Variants in ATP2B1 observed in about 807,000 individuals in gnomAD.
ATP2B1 encodes the protein plasma membrane calcium-transporting ATPase 1.
A neutral mutation model predicts 124.2 loss-of-function variants in ATP2B1; 14 were observed. The ratio of observed to expected loss-of-function variants is 0.11; its 90% confidence interval spans 0.07 to 0.18. The LOEUF is 0.18. Among genes scored for constraint, ATP2B1 ranks in the 10% least tolerant of loss-of-function variants. ATP2B1 has a pLI of 1.00. For synonymous variants in ATP2B1, 449 were observed against 492.4 expected (o/e 0.91, Z 1.17); for missense variants, 763 against 1,466.1 (o/e 0.52, Z 7.83).
chr12:89,643,065 T>TATAC (rs1555201598), intron 2 of ATP2B1, among the ~76,000 whole-genome samples: 15 of 143,640 alleles, frequency 1.0e-4, no homozygotes, highest in African/African-American at 3.6e-4. Context: ...TAAAGATACA[T>TATAC]ACACACACAC....
Position 89,630,602 on chromosome 12 carries a change from A to G in ATP2B1, c.831T>C (p.Ala277=). ...TTCCAGTTTGAGAATTTACACCTAC[A>G]GCTGTAACTACCATTCTTCCAGAGC... is the stretch of plus-strand genomic sequence containing the variant. ...MEGSGRMVVT[A]VGVNSQTGII... Residue 277 remains alanine (A), a synonymous_variant, in exon 6 of 21, where the codon GCT becomes GCC. Transcript: ENST00000428670. The G allele has an allele frequency of 1.9e-6, 3 of 1,600,538 alleles. No individual in the cohort carries two copies. The highest frequency in any genetic ancestry group is 1.7e-6 in the Non-Finnish European group (2 of 1,172,950).
chr12:89,690,040 T>C (rs1237065301), intron 1 of ATP2B1, among the ~76,000 whole-genome samples: 4 of 152,076 alleles, frequency 2.6e-5, no homozygotes, highest in African/African-American at 9.7e-5. Flanking sequence ...TTATGAACTT[T>C]CTGTATGCTA....
At chr12:89,680,985 C>T (rs537639413) in intron 1 of ATP2B1, among the ~76,000 whole-genome samples, 45 of 152,192 alleles carry the variant, frequency 3.0e-4, no homozygotes, top group African/African-American at 9.1e-4. Context: ...GAAACAGTTT[C>T]GAATGTACAA....
chr12:89,624,759 T>A (rs966288116), intron 8 of ATP2B1, among the ~76,000 whole-genome samples: 5 of 152,308 alleles, frequency 3.3e-5, no homozygotes, highest in South Asian at 2.1e-4. Flanking sequence ...CCCTGATGCT[T>A]AAAGAGAAAC....
At chr12:89,633,546 T>G (rs565161816) in intron 5 of ATP2B1, among the ~76,000 whole-genome samples, 126 of 152,056 alleles carry the variant, frequency 8.3e-4, no homozygotes, top group African/African-American at 3.0e-3. Flanking sequence ...CTATTTATAA[T>G]GGTGTTTATA....
At chr12:89,709,328 C>G (rs1222306226), upstream of ATP2B1, 1 of 152,418 alleles carries the variant, frequency 6.6e-6, no homozygotes, top group South Asian at 1.9e-4. Context: ...AAGCTCGCGC[C>G]GCCGCCGCTG....
At chr12:89,628,660 C>A (rs1881332077) in intron 6 of ATP2B1, among the ~76,000 whole-genome samples, 1 of 152,020 alleles carries the variant, frequency 6.6e-6, no homozygotes, top group South Asian at 2.1e-4. Context: ...GGAGTAGGCA[C>A]TACAATATTA....
chr12:89,622,415 T>A (rs1485823261), intron 9 of ATP2B1, among the ~76,000 whole-genome samples: 1 of 152,044 alleles, frequency 6.6e-6, no homozygotes, highest in East Asian at 1.9e-4. Context: ...TCAAACTGCA[T>A]CTCACTTCTT....
intron 1 of ATP2B1, among the ~76,000 whole-genome samples, chr12:89,701,315 C>T (rs1891828309): frequency 6.6e-6 from 1 of 152,248 alleles, no homozygotes; most frequent in African/African-American, 2.4e-5. Context: ...CTGAAGTCCT[C>T]CGGGTTGTAC....
chr12:89,609,886 A>C (rs762560039), intron 15 of ATP2B1, 51 bp downstream of exon 15: 8 of 1,537,738 alleles, frequency 5.2e-6, no homozygotes, highest in African/African-American at 1.4e-5. Context: ...AAACAAACAA[A>C]CAAACCAGTC....
intron 1 of ATP2B1, among the ~76,000 whole-genome samples, chr12:89,698,059 C>T (rs146828988): frequency 0.035 from 5,369 of 152,136 alleles, 304 homozygotes; most frequent in African/African-American, 0.12. Context: ...TTAGTAAAGA[C>T]GGGGTTTCAC....
chr12:89,689,588 C>T (rs1484847651), intron 1 of ATP2B1, among the ~76,000 whole-genome samples: 1 of 152,134 alleles, frequency 6.6e-6, no homozygotes, highest in Non-Finnish European at 1.5e-5. Context: ...TTTAAAAACA[C>T]TAAATTCCCA....
intron 1 of ATP2B1, among the ~76,000 whole-genome samples, chr12:89,695,067 A>AAAAAAAG (rs776192730): frequency 0.037 from 5,395 of 146,128 alleles, 293 homozygotes; most frequent in East Asian, 0.12. Context: ...TCAAAAAAAA[A>AAAAAAAG]AAAAGAAAAG....
Position 89,611,370 on chromosome 12 carries a change from C to A in ATP2B1, c.2070G>T (p.Val690=). 1 of 1,505,014 alleles carries A rather than the reference C, an allele frequency of 6.6e-7. No individual in the cohort carries two copies. The highest frequency in any genetic ancestry group is 8.9e-7 in the Non-Finnish European group (1 of 1,128,770). The allele number at this position is 1,505,014 out of a possible 1,614,324, so 93.2% of individuals were successfully genotyped here. A position where few individuals can be genotyped will look rare whatever the true frequency, so the allele number is the denominator to read the frequency against. ...VGIEDPVRPE[V]PDAIKKCQRA... is the part of the protein sequence containing the mutation. Reference sequence around the variant, plus strand: ...TCTGACACTTTTTAATTGCATCTGGCACCTGGTTTACATTAAAAAAAAAAA... The same window carrying A: ...TCTGACACTTTTTAATTGCATCTGGAACCTGGTTTACATTAAAAAAAAAAA... The change falls in exon 13 of 21, where the codon GTG becomes GTT. Residue 690 remains valine (V), a splice_region_variant and synonymous_variant. Transcript: ENST00000428670.
At chr12:89,668,089 T>C (rs17017157) in intron 1 of ATP2B1, among the ~76,000 whole-genome samples, 175 of 152,170 alleles carry the variant, frequency 1.2e-3, no homozygotes, top group African/African-American at 4.0e-3. Context: ...AAAACTGCAG[T>C]GTGAATGATA....
intron 3 of ATP2B1, among the ~76,000 whole-genome samples, chr12:89,640,022 A>AT (rs1485849230): frequency 6.6e-6 from 1 of 152,236 alleles, no homozygotes; most frequent in Non-Finnish European, 1.5e-5. Context: ...GCTGAAGATG[A>AT]TATGACTCCC....
rs541383307 is a variant in ATP2B1 at position 89,603,034 on chromosome 12, A to G, written c.3060+9T>C. On this transcript the variant is annotated intron_variant, in intron 18 of 20. Transcript: ENST00000428670. This position sits in a 1 kb window ranked among gnomAD's most constrained non-coding sequence, Gnocchi z 4.3. Reference sequence around the variant, plus strand: ...GGCAAATTTGAAACTATCTTTTCCAATTACCCACCTGTACCACAAAAGTGC... The same window carrying G: ...GGCAAATTTGAAACTATCTTTTCCAGTTACCCACCTGTACCACAAAAGTGC... 8.7e-6 allele frequency: 14 copies of G among 1,609,878 alleles called. 1 individual carries two copies. The African/African-American group carries it at 1.3e-4, about 15-fold the overall frequency.
At chr12:89,643,965 C>T (rs1029762001) in intron 2 of ATP2B1, among the ~76,000 whole-genome samples, 64 of 152,038 alleles carry the variant, frequency 4.2e-4, no homozygotes, top group Non-Finnish European at 1.2e-4. Context: ...CTACTAGAAA[C>T]ACAAAAATTA....
intron 18 of ATP2B1, among the ~76,000 whole-genome samples, chr12:89,602,104 T>A (rs1875961364): frequency 6.6e-6 from 1 of 152,164 alleles, no homozygotes; most frequent in African/African-American, 2.4e-5. Flanking sequence ...CTTGTTATTC[T>A]AAAAGGCCTA....
Sources: gnomAD v4.1 joint callset for allele counts (sites outside exome capture counted in the v4.1 genomes callset) on GRCh38, gnomAD v4.1.1 for gene constraint, Gnocchi (gnomAD v3.1) non-coding constraint, MANE v1.5 for transcripts, NCBI Gene and HGNC (gene_info 2026-07-23, HGNC 2026-07-21) for gene names.